Variants in DCTN4 observed in about 807,000 individuals in gnomAD.
The protein encoded by DCTN4 is dynactin subunit 4.
In DCTN4, 23 loss-of-function variants were observed where a neutral mutation model predicts 62.7. The ratio of observed to expected loss-of-function variants is 0.37; its 90% confidence interval spans 0.26 to 0.52. The LOEUF is 0.52. DCTN4 is among the 20% of genes least tolerant of loss of function. The probability of loss-of-function intolerance (pLI) is 0.92; values close to 1 mark genes in which losing one functional copy is unlikely to be tolerated. For missense variants in DCTN4, 514 were observed against 580.4 expected, an observed-to-expected ratio of 0.89 and a Z score of 1.18; for synonymous variants, 199 against 202.1, an observed-to-expected ratio of 0.98 and a Z score of 0.13.
At chr5:150,733,149 A>C (rs1760447857) in intron 5 of DCTN4, among the ~76,000 whole-genome samples, 1 of 152,252 alleles carries the variant, frequency 6.6e-6, no homozygotes, top group South Asian at 2.1e-4. Flanking sequence ...AAGGGGAGTG[A>C]TGGAGAAAGA....
intron 1 of DCTN4, 146 bp from the exon 2 acceptor site, chr5:150,756,633 T>G: frequency 3.4e-6 from 1 of 294,712 alleles, no homozygotes; most frequent in Non-Finnish European, 5.5e-6. Flanking sequence ...TCTTCTTCAG[T>G]CACCTGTTTT....
At chr5:150,758,096 G>A (rs1371970499) in intron 1 of DCTN4, 28 of 985,300 alleles carry the variant, frequency 2.8e-5, no homozygotes, top group Non-Finnish European at 3.4e-5. Context: ...ATTAAACAGC[G>A]CATTTTATGT....
At chr5:150,752,045 T>C (rs1752694337) in intron 3 of DCTN4, among the ~76,000 whole-genome samples, 1 of 152,004 alleles carries the variant, frequency 6.6e-6, no homozygotes, top group African/African-American at 2.4e-5. Context: ...AATCCCAAAA[T>C]GAGAATTTTT....
rs773833955 is a variant in DCTN4 at position 150,753,577 on chromosome 5, T to C, written c.287A>G (p.Asp96Gly). 16 of 1,614,162 alleles carry C rather than the reference T, an allele frequency of 9.9e-6. No homozygotes were observed. The highest frequency in any genetic ancestry group is 1.4e-5 in the Non-Finnish European group (16 of 1,180,010). Residue 96 changes from aspartate to glycine, a missense_variant, in exon 3 of 13, where the codon GAT becomes GGT. Asp to Gly is a moderately conservative substitution (Grantham distance 94). Coordinates refer to ENST00000447998, the MANE Select transcript of DCTN4 (RefSeq NM_016221.4). ...CTTCATGGTGGTCTTGGCTGGGTCATCTGGAAGCTGTGTGGAGATGCTCGT... is the reference window on the plus strand; with the variant it reads ...CTTCATGGTGGTCTTGGCTGGGTCACCTGGAAGCTGTGTGGAGATGCTCGT... ...RATSISTQLP[D>G]DPAKTTMKKA...
chr5:150,738,446 C>T (rs1760657564), intron 4 of DCTN4, among the ~76,000 whole-genome samples: 1 of 152,152 alleles, frequency 6.6e-6, no homozygotes, highest in African/African-American at 2.4e-5. Context: ...ACCAGGGATG[C>T]AGGGATGGTT....
chr5:150,751,964 G>T (rs1256820825), intron 3 of DCTN4, among the ~76,000 whole-genome samples: 1 of 152,064 alleles, frequency 6.6e-6, no homozygotes, highest in Non-Finnish European at 1.5e-5. Context: ...TTTTAGTTAT[G>T]TCAAATGACA....
In DCTN4 at chr5:150,742,099, T is replaced by C. The variant is rs375060135; in HGVS notation, c.429+15A>G. 1.2e-6 allele frequency: 2 copies of C among 1,613,336 alleles called. No homozygotes were observed. The highest frequency in any genetic ancestry group is 1.1e-5 in the South Asian group (1 of 91,076). The stretch of plus-strand genomic sequence containing the variant: ...TTCCGATTTCATCCTCTCTCTCTTA[T>C]GACCCTTTACTTACCCGTTGTGTGT... On this transcript the variant is annotated intron_variant, in intron 4 of 12. Transcript: ENST00000447998.
chr5:150,713,336 G>A (rs376511067), intron 12 of DCTN4, among the ~76,000 whole-genome samples: 6 of 151,942 alleles, frequency 3.9e-5, no homozygotes, highest in Non-Finnish European at 7.4e-5. Flanking sequence ...GAATGCTATC[G>A]AACAACAAAA....
intron 4 of DCTN4, among the ~76,000 whole-genome samples, chr5:150,739,094 T>C (rs1760682120): frequency 2.0e-5 from 3 of 151,384 alleles, no homozygotes; most frequent in Non-Finnish European, 1.5e-5. Flanking sequence ...GGTAAGAGAA[T>C]CGCTGGAACT....
chr5:150,724,562 T>C (rs1217150939), intron 8 of DCTN4, among the ~76,000 whole-genome samples: 1 of 152,228 alleles, frequency 6.6e-6, no homozygotes, highest in Non-Finnish European at 1.5e-5. Flanking sequence ...TATTTCCTTC[T>C]AGAAGTTTGG....
At chr5:150,729,408 T>A (rs1273582708) in intron 8 of DCTN4, among the ~76,000 whole-genome samples, 1 of 152,006 alleles carries the variant, frequency 6.6e-6, no homozygotes, top group African/African-American at 2.4e-5. Context: ...AGAATCAGCA[T>A]CTTGTTATCA....
rs1760184357 is a variant in DCTN4 at position 150,727,399 on chromosome 5, G to A, written c.834+3232C>T. Among the ~76,000 whole-genome samples, 6 of 151,998 alleles carry A rather than the reference G, an allele frequency of 3.9e-5. No individual in the cohort carries two copies. In the South Asian group the frequency reaches 1.2e-3, roughly 32 times the overall value. ...TATATGTATATAAACCACAGTAATA[G>A]TATAACATACTATTTTAAAATTATT... On this transcript the variant is annotated intron_variant, in intron 8 of 12. Transcript: ENST00000447998.
chr5:150,745,452 C>T (rs1760925781), intron 3 of DCTN4, among the ~76,000 whole-genome samples: 1 of 152,150 alleles, frequency 6.6e-6, no homozygotes, highest in East Asian at 1.9e-4. Flanking sequence ...TTATAGACAT[C>T]TACAGAACTC....
At chr5:150,732,195 G>C (rs1235819681) in intron 5 of DCTN4, among the ~76,000 whole-genome samples, 2 of 152,154 alleles carry the variant, frequency 1.3e-5, no homozygotes, top group Non-Finnish European at 2.9e-5. Flanking sequence ...CGTCACCCAG[G>C]CTGGAGTGCA....
intron 11 of DCTN4, among the ~76,000 whole-genome samples, chr5:150,715,886 G>A (rs182363349): frequency 2.9e-4 from 44 of 152,004 alleles, no homozygotes; most frequent in African/African-American, 1.1e-3. Context: ...GGCTTCAATT[G>A]TGTCTTTAAT....
At chr5:150,756,316 G>A in intron 2 of DCTN4, 101 bp downstream of exon 2, 2 of 759,242 alleles carry the variant, frequency 2.6e-6, no homozygotes, top group Non-Finnish European at 4.2e-6. Flanking sequence ...TGGGATTACA[G>A]GCGTGAGCCA....
chr5:150,738,872 T>C (rs1420859566), intron 4 of DCTN4, among the ~76,000 whole-genome samples: 13 of 152,034 alleles, frequency 8.6e-5, no homozygotes, highest in Non-Finnish European at 1.6e-4. Flanking sequence ...TAGAGACTTA[T>C]CCAAAAAGCT....
rs373403234 is a variant in DCTN4, at chr5:150,753,513, C to G, written c.351G>C (p.Thr117=). Residue 117 remains threonine (T), a synonymous_variant, in exon 3 of 13, where the codon ACG becomes ACC. Coordinates refer to ENST00000447998, the MANE Select transcript of DCTN4 (RefSeq NM_016221.4). ...YYLACGFCRW[T]SRDVGMADKS... is the part of the protein sequence containing the mutation. Reference sequence around the variant, plus strand: ...TGTCTGCCATGCCCACATCTCTAGACGTCCAGCGACAAAATCCACATGCCA... The same window carrying G: ...TGTCTGCCATGCCCACATCTCTAGAGGTCCAGCGACAAAATCCACATGCCA... 2 of 1,614,050 alleles carry G rather than the reference C, an allele frequency of 1.2e-6. No homozygotes were observed. Among genetic ancestry groups the G allele is most frequent in the African/African-American group, 2.7e-5 (2 of 74,932 alleles).
chr5:150,721,821 TA>T (rs1759962962), intron 9 of DCTN4, among the ~76,000 whole-genome samples: 1 of 152,186 alleles, frequency 6.6e-6, no homozygotes, highest in Non-Finnish European at 1.5e-5. Flanking sequence ...AATTTTGTCT[TA>T]AAAAAATTTT....
Sources: gnomAD v4.1 joint callset for allele counts (sites outside exome capture counted in the v4.1 genomes callset) on GRCh38, gnomAD v4.1.1 for gene constraint, MANE v1.5 for transcripts, NCBI Gene and HGNC (gene_info 2026-07-23, HGNC 2026-07-21) for gene names.